NUDCD1: variants seen among roughly 807,000 people sequenced by gnomAD.
The protein encoded by NUDCD1 is NudC domain containing 1, also known as nudC domain-containing protein 1.
In NUDCD1, 60 loss-of-function variants were observed where a neutral mutation model predicts 67.8. The observed-to-expected ratio is 0.88, with a 90% confidence interval of 0.72 to 1.10. The LOEUF (loss-of-function observed/expected upper bound fraction) is 1.10, where lower values mean the gene tolerates loss of function less well. Ranked by LOEUF, NUDCD1 falls within the 50% of genes least tolerant of loss-of-function variation. The probability of loss-of-function intolerance (pLI) is 0.00; values close to 1 mark genes in which losing one functional copy is unlikely to be tolerated. For synonymous variants in NUDCD1, 244 were observed against 230.8 expected, an observed-to-expected ratio of 1.06 and a Z score of -0.52; for missense variants, 643 against 695.0, an observed-to-expected ratio of 0.93 and a Z score of 0.84.
At chr8:109,320,424 T>C (rs1189456271) in intron 2 of NUDCD1, among the ~76,000 whole-genome samples, 2 of 152,166 alleles carry the variant, frequency 1.3e-5, no homozygotes, top group African/African-American at 4.8e-5. Flanking sequence ...AGAAGAGAAA[T>C]ATGGCTCTGT....
chr8:109,327,147 G>T (rs954709083), intron 1 of NUDCD1, among the ~76,000 whole-genome samples: 2 of 152,150 alleles, frequency 1.3e-5, no homozygotes, highest in African/African-American at 4.8e-5. Context: ...TACTGAGCTT[G>T]CTATTTATCT....
At chr8:109,273,419 T>C (rs1814205255) in intron 7 of NUDCD1, among the ~76,000 whole-genome samples, 1 of 152,084 alleles carries the variant, frequency 6.6e-6, no homozygotes, top group African/African-American at 2.4e-5. Flanking sequence ...GCAGCTACAG[T>C]AGTGCTTAGA....
At chr8:109,272,303 A>G (rs1232451245) in intron 7 of NUDCD1, among the ~76,000 whole-genome samples, 1 of 152,072 alleles carries the variant, frequency 6.6e-6, no homozygotes, top group Non-Finnish European at 1.5e-5. Context: ...TAAATTATAG[A>G]TGATACAGTT....
At chr8:109,291,533 G>A (rs1462514094) in intron 4 of NUDCD1, among the ~76,000 whole-genome samples, 1 of 151,972 alleles carries the variant, frequency 6.6e-6, no homozygotes, top group African/African-American at 2.4e-5. Context: ...AAACTTATCT[G>A]ACCATAAATA....
At chr8:109,288,164 A>G (rs1194664484) in intron 5 of NUDCD1, among the ~76,000 whole-genome samples, 1 of 152,214 alleles carries the variant, frequency 6.6e-6, no homozygotes. Flanking sequence ...ATGACAAAAT[A>G]AACAATGAAT....
intron 2 of NUDCD1, among the ~76,000 whole-genome samples, chr8:109,313,614 G>A (rs1229271049): frequency 6.6e-6 from 1 of 152,120 alleles, no homozygotes; most frequent in East Asian, 1.9e-4. Flanking sequence ...AGATACAATG[G>A]GAGGCTTTCC....
At chr8:109,262,794 G>A (rs562004087) in intron 8 of NUDCD1, among the ~76,000 whole-genome samples, 4 of 152,070 alleles carry the variant, frequency 2.6e-5, no homozygotes, top group East Asian at 1.9e-4. Flanking sequence ...GGTAGCTCAC[G>A]CCCGTAATCC....
chr8:109,291,740 C>CA (rs1814717051), intron 4 of NUDCD1, among the ~76,000 whole-genome samples: 1 of 152,080 alleles, frequency 6.6e-6, no homozygotes, highest in South Asian at 2.1e-4. Flanking sequence ...AGGTTAGTCT[C>CA]AATGTATTTG....
chr8:109,251,688 T>C (rs1284153108), intron 8 of NUDCD1, among the ~76,000 whole-genome samples: 1 of 152,136 alleles, frequency 6.6e-6, no homozygotes, highest in Non-Finnish European at 1.5e-5. Flanking sequence ...TTACCAATCT[T>C]GATCTTTTCA....
chr8:109,331,324 C>T (rs1010633165), intron 1 of NUDCD1, among the ~76,000 whole-genome samples: 9 of 151,688 alleles, frequency 5.9e-5, no homozygotes, highest in African/African-American at 1.9e-4. Context: ...ACAGAGACTC[C>T]GTCTCAAAAA....
intron 8 of NUDCD1, among the ~76,000 whole-genome samples, chr8:109,266,100 A>T (rs1813985758): frequency 6.6e-6 from 1 of 151,762 alleles, no homozygotes; most frequent in Non-Finnish European, 1.5e-5. Flanking sequence ...ATAATTTTAA[A>T]TTATCTAGTA....
chr8:109,277,925 G>A (rs894868006), intron 6 of NUDCD1, among the ~76,000 whole-genome samples: 1 of 152,168 alleles, frequency 6.6e-6, no homozygotes, highest in Admixed American at 6.5e-5. Flanking sequence ...ATTAAAAAGT[G>A]TAACAAAATC....
intron 2 of NUDCD1, chr8:109,313,958 T>C: frequency 2.4e-6 from 1 of 412,910 alleles, no homozygotes; most frequent in South Asian, 1.8e-5. Context: ...CTTGCATTAA[T>C]GACAGTTAAA....
At chr8:109,318,960 T>G (rs1815468398) in intron 2 of NUDCD1, among the ~76,000 whole-genome samples, 1 of 27,766 alleles carries the variant, frequency 3.6e-5, no homozygotes, top group Non-Finnish European at 7.8e-5. Flanking sequence ...CATTTTATGT[T>G]TTTTTTTTTT....
chr8:109,266,893 TA>T (rs926622884), intron 8 of NUDCD1, among the ~76,000 whole-genome samples: 1 of 152,182 alleles, frequency 6.6e-6, no homozygotes, highest in African/African-American at 2.4e-5. Context: ...TCCATGTCTT[TA>T]AAGGAAACAT....
chr8:109,313,353 A>G (rs1045237410), intron 2 of NUDCD1, among the ~76,000 whole-genome samples: 1 of 152,208 alleles, frequency 6.6e-6, no homozygotes, highest in South Asian at 2.1e-4. Flanking sequence ...CTGATTTTTT[A>G]AAAAAAGATG....
chr8:109,275,245 T>A, intron 7 of NUDCD1, 107 bp downstream of exon 7: 1 of 969,720 alleles, frequency 1.0e-6, no homozygotes, highest in South Asian at 1.6e-5. Context: ...CTGATATGTA[T>A]CTTTTATATT....
chr8:109,254,672 C>T (rs994391068), intron 8 of NUDCD1, among the ~76,000 whole-genome samples: 7 of 152,010 alleles, frequency 4.6e-5, no homozygotes, highest in African/African-American at 1.7e-4. Flanking sequence ...ATTTGGCATG[C>T]ATTTCAAATA....
chr8:109,271,632 A>G (rs1814159175), intron 7 of NUDCD1, among the ~76,000 whole-genome samples: 1 of 152,138 alleles, frequency 6.6e-6, no homozygotes, highest in African/African-American at 2.4e-5. Context: ...AAGAATGGGG[A>G]AAAAAATTGC....
Sources: allele counts gnomAD v4.1 joint callset (sites outside exome capture counted in the v4.1 genomes callset), GRCh38; gene constraint gnomAD v4.1.1; transcripts MANE v1.5; gene names NCBI Gene and HGNC (gene_info 2026-07-23, HGNC 2026-07-21).